Variants in DLD observed in about 807,000 individuals in gnomAD.
DLD encodes dihydrolipoyl dehydrogenase, mitochondrial.
Under a neutral mutation model 62.2 loss-of-function variants are expected in DLD, and 36 were observed. That is an observed-to-expected ratio of 0.58 (90% CI 0.44 to 0.76). DLD has a LOEUF of 0.76. Ranked by LOEUF, DLD falls within the 30% of genes least tolerant of loss-of-function variation. The pLI is 0.00. For missense variants in DLD, 541 were observed against 608.6 expected (o/e 0.89, Z 1.17); for synonymous variants, 204 against 199.6 (o/e 1.02, Z -0.19).
intron 2 of DLD, among the ~76,000 whole-genome samples, chr7:107,894,420 G>T (rs2031666198): frequency 6.6e-6 from 1 of 152,152 alleles, no homozygotes; most frequent in South Asian, 2.1e-4. Context: ...GAAGGGTAGG[G>T]GGAGGATTCT....
At position 107,918,024 on chromosome 7, in the gene DLD, CGACA is replaced by C. The variant is rs1402761530; in HGVS notation, c.1344_1347del (p.Asp448GlufsTer16). Reference sequence around the variant, plus strand: ...ATGGTGAAGATCCTTGGGCAGAAATCGACAGACAGAGTACTGGGAGCACATATTC... The same window carrying C: ...ATGGTGAAGATCCTTGGGCAGAAATCGACAGAGTACTGGGAGCACATATTC... On this transcript the variant is annotated frameshift_variant, in exon 12 of 14. Coordinates refer to ENST00000205402, the MANE Select transcript of DLD (RefSeq NM_000108.5). LOFTEE classifies it high-confidence loss of function. 6.2e-6 allele frequency: 10 copies of C among 1,613,880 alleles called. No individual in the cohort carries two copies. Among genetic ancestry groups the C allele is most frequent in the East Asian group, 2.2e-5 (1 of 44,882 alleles).
chr7:107,891,611 A>G (rs2031578013), intron 1 of DLD: 1 of 529,920 alleles, frequency 1.9e-6, no homozygotes, highest in Non-Finnish European at 3.4e-6. Context: ...CCTTGGAGGA[A>G]GTGTAAGCCA....
chr7:107,897,090 C>T (rs1329629687), intron 2 of DLD, among the ~76,000 whole-genome samples: 4 of 152,176 alleles, frequency 2.6e-5, no homozygotes, highest in African/African-American at 7.2e-5. Flanking sequence ...CCACCTCGGC[C>T]TCCCAAAGTG....
At chr7:107,895,868 T>TTA (rs1186517910) in intron 2 of DLD, among the ~76,000 whole-genome samples, 1 of 152,210 alleles carries the variant, frequency 6.6e-6, no homozygotes, top group Non-Finnish European at 1.5e-5. Flanking sequence ...GCTATGTCAT[T>TTA]TATATATACA....
At chr7:107,909,273 C>T (rs961233616) in intron 8 of DLD, among the ~76,000 whole-genome samples, 1 of 152,164 alleles carries the variant, frequency 6.6e-6, no homozygotes, top group Admixed American at 6.5e-5. Flanking sequence ...TTCTGTCACT[C>T]TTATACTTAA....
In DLD at chr7:107,908,139, G is replaced by T. The variant is rs545450571; in HGVS notation, c.684+1771G>T. Among the ~76,000 whole-genome samples, 11 of 148,576 alleles carry T rather than the reference G, an allele frequency of 7.4e-5. No homozygotes were observed. The East Asian group carries it at 2.2e-3, about 30-fold the overall frequency. ...TTCTTAGGCTTCCCTTTAATTGTTA[G>T]TATTTTTGTTTTTCTTTTTTTTTTT... On this transcript the variant is annotated intron_variant, in intron 8 of 13. Coordinates refer to ENST00000205402, the MANE Select transcript of DLD (RefSeq NM_000108.5).
rs764611160 is a variant in DLD at position 107,915,623 on chromosome 7, CAG to C, written c.803_804del (p.Gln268ArgfsTer3). ...SKNFQRILQK[Q>X]GFKFKLNTKV... is the part of the protein sequence containing the mutation. ...AAACTTTCAACGCATCCTTCAAAAA[CAG>C]GGGTTTAAATTTAAATTGAATACAA... On this transcript the variant is annotated frameshift_variant, in exon 9 of 14. Transcript: ENST00000205402. LOFTEE classifies it high-confidence loss of function. The C allele has an allele frequency of 8.7e-6, 14 of 1,613,642 alleles. No homozygotes were observed. Among genetic ancestry groups the C allele is most frequent in the Admixed American group, 1.7e-5 (1 of 59,970 alleles).
In DLD at chr7:107,905,502, A is replaced by G; in HGVS notation, c.580A>G (p.Thr194Ala). 6.2e-7 allele frequency: 1 copy of G among 1,613,722 alleles called. No individual in the cohort carries two copies. The change falls in exon 7 of 14, where the codon ACG becomes GCG. Residue 194 changes from threonine (T) to alanine (A), a missense_variant and splice_region_variant. Transcript: ENST00000205402. Reference protein sequence around the residue: ...GSEVTPFPGITIDEDTIVSST... With the variant: ...GSEVTPFPGIAIDEDTIVSST... ...AGAAGTTACTCCTTTTCCTGGAATC[A>G]CGGTATTTATGCTTCATAATTTACA...
chr7:107,913,006 C>T (rs530350381), intron 8 of DLD, among the ~76,000 whole-genome samples: 33 of 152,228 alleles, frequency 2.2e-4, no homozygotes, highest in African/African-American at 7.5e-4. Context: ...TAGTTTCATT[C>T]TTCCGCATAC....
intron 2 of DLD, among the ~76,000 whole-genome samples, chr7:107,899,894 G>T (rs1481244742): frequency 1.3e-5 from 2 of 151,762 alleles, no homozygotes; most frequent in East Asian, 3.9e-4. Flanking sequence ...AACCTGTTTT[G>T]TAGCTTGTAT....
chr7:107,892,839 C>T (rs1280342420), intron 1 of DLD, among the ~76,000 whole-genome samples: 2 of 152,186 alleles, frequency 1.3e-5, no homozygotes, highest in African/African-American at 4.8e-5. Context: ...TGAGCCACCA[C>T]GGCCGGCTCA....
chr7:107,893,226 T>G lies in DLD; in HGVS notation c.66T>G (p.His22Gln). 1 of 1,613,786 alleles carries G rather than the reference T, an allele frequency of 6.2e-7. No homozygotes were observed. Among genetic ancestry groups the G allele is most frequent in the Non-Finnish European group, 8.5e-7 (1 of 1,179,832 alleles). Reference protein sequence around the residue: ...AKRGHFNRISHGLQGLSAVPL... With the variant: ...AKRGHFNRISQGLQGLSAVPL... Reference sequence around the variant, plus strand: ...GAGGCCATTTCAATCGAATATCTCATGGCCTACAGGGACTTTCTGCAGTGC... The same window carrying G: ...GAGGCCATTTCAATCGAATATCTCAGGGCCTACAGGGACTTTCTGCAGTGC... The change falls in exon 2 of 14, where the codon CAT becomes CAG. Residue 22 changes from histidine (H) to glutamine (Q), a missense_variant. Physicochemically the swap from His to Gln is conservative, Grantham distance 24 (BLOSUM62 0). Coordinates refer to ENST00000205402, the MANE Select transcript of DLD (RefSeq NM_000108.5).
At chr7:107,915,120 G>C (rs532390001) in intron 8 of DLD, among the ~76,000 whole-genome samples, 29 of 152,286 alleles carry the variant, frequency 1.9e-4, no homozygotes, top group African/African-American at 6.5e-4. Context: ...TGTAATCCCA[G>C]TAATCAGTGG....
rs2032366255 is a variant in DLD, at chr7:107,919,857, A to G, written c.*598A>G. On this transcript the variant is annotated 3_prime_UTR_variant, in exon 14 of 14. Coordinates refer to ENST00000205402, the MANE Select transcript of DLD (RefSeq NM_000108.5). ...TTGTCTGCAACTCTGAAGGGTAATT[A>G]TATAGTTACCCAAATTAAGAGAGTC... The G allele has an allele frequency of 6.5e-6, 1 of 153,016 alleles. No individual in the cohort carries two copies. Among genetic ancestry groups the G allele is most frequent in the African/African-American group, 2.4e-5 (1 of 41,458 alleles). 9.5% of individuals were successfully genotyped at this position (153,016 alleles called of 1,614,324 possible).
intron 9 of DLD, 39 bp from the exon 10 acceptor site, chr7:107,916,755 A>C: frequency 3.2e-6 from 5 of 1,575,214 alleles, no homozygotes; most frequent in Non-Finnish European, 4.4e-6. Flanking sequence ...CAATTTATGT[A>C]GGTGTGTATT....
intron 2 of DLD, among the ~76,000 whole-genome samples, chr7:107,898,700 C>T (rs1584459916): frequency 6.6e-6 from 1 of 152,154 alleles, no homozygotes; most frequent in Admixed American, 6.5e-5. Flanking sequence ...ACGCCATTCT[C>T]CTGCCTCAGC....
intron 2 of DLD, among the ~76,000 whole-genome samples, 154 bp from the exon 3 acceptor site, chr7:107,901,584 T>A (rs566769668): frequency 6.6e-6 from 1 of 152,256 alleles, no homozygotes; most frequent in South Asian, 2.1e-4. Flanking sequence ...GAGCATCAAG[T>A]AGTAGTAATA....
chr7:107,917,424 G>T lies in DLD; in HGVS notation c.1198G>T (p.Ala400Ser). ...PSVIYTHPEV[A>S]WVGKSEEQLK... ...AGTGATTTACACACACCCTGAAGTT[G>T]CTTGGGTTGGCAAATCAGAAGAGCA... Residue 400 changes from alanine (A) to serine (S), a missense_variant, in exon 11 of 14, where the codon GCT (alanine) becomes TCT (serine). Transcript: ENST00000205402. 6.2e-7 allele frequency: 1 copy of T among 1,614,152 alleles called. No homozygotes were observed. Among genetic ancestry groups the T allele is most frequent in the Non-Finnish European group, 8.5e-7 (1 of 1,180,010 alleles).
Position 107,920,628 on chromosome 7 carries a change from G to A in DLD, c.*1369G>A, listed in dbSNP as rs1342536563. ...GGGTCAACCAGAGTTTGGGCAGAAG[G>A]AAGTCTGCCCCTTCTGTGCCTCCTG... On this transcript the variant is annotated 3_prime_UTR_variant, in exon 14 of 14. Transcript: ENST00000205402. 3.5e-4 allele frequency: 54 copies of A among 152,254 alleles called. No individual in the cohort carries two copies. Among genetic ancestry groups the A allele is most frequent in the Admixed American group, 3.5e-3 (53 of 15,274 alleles). The allele number at this position is 152,254 out of a possible 1,614,324, so 9.4% of individuals were successfully genotyped here.
Sources: gnomAD v4.1 joint callset for allele counts (sites outside exome capture counted in the v4.1 genomes callset) on GRCh38, gnomAD v4.1.1 for gene constraint, MANE v1.5 for transcripts, NCBI Gene and HGNC (gene_info 2026-07-23, HGNC 2026-07-21) for gene names.